The following DDR2 variants were observed in gnomAD, a reference collection of about 807,000 sequenced individuals.
DDR2 encodes the protein discoidin domain-containing receptor 2.
A neutral mutation model predicts 94.9 loss-of-function variants in DDR2; 27 were observed. The observed-to-expected ratio is 0.28, with a 90% confidence interval of 0.21 to 0.39. The LOEUF (loss-of-function observed/expected upper bound fraction) is 0.39, where lower values mean the gene tolerates loss of function less well. DDR2 is among the 10% of genes least tolerant of loss of function. The pLI, the probability that DDR2 is intolerant of heterozygous loss-of-function variation, is 1.00. For synonymous variants in DDR2, 382 were observed against 377.2 expected (o/e 1.01, Z -0.15); for missense variants, 783 against 1,076.0 (o/e 0.73, Z 3.81).
At chr1:162,705,459 C>T (rs1396260959) in intron 2 of DDR2, among the ~76,000 whole-genome samples, 1 of 152,126 alleles carries the variant, frequency 6.6e-6, no homozygotes, top group African/African-American at 2.4e-5. Context: ...TTAAAGCAGC[C>T]GAAGCTCTCA....
chr1:162,751,584 T>C (rs1663197355), intron 3 of DDR2, among the ~76,000 whole-genome samples: 2 of 152,322 alleles, frequency 1.3e-5, no homozygotes, highest in South Asian at 4.1e-4. Context: ...TGGAAGACAG[T>C]GTGGCGATTC....
chr1:162,702,833 C>T (rs1244057225), intron 2 of DDR2, among the ~76,000 whole-genome samples: 5 of 152,098 alleles, frequency 3.3e-5, no homozygotes, highest in African/African-American at 4.8e-5. Context: ...ATGCTGTTTC[C>T]GATAAGCCAC....
chr1:162,657,871 T>G (rs1658081375), intron 2 of DDR2, among the ~76,000 whole-genome samples: 1 of 151,878 alleles, frequency 6.6e-6, no homozygotes, highest in Admixed American at 6.6e-5. Flanking sequence ...CTCTTTTTGA[T>G]CCTTATTCTC....
intron 9 of DDR2, among the ~76,000 whole-genome samples, chr1:162,763,521 G>C (rs1286334414): frequency 6.6e-6 from 1 of 151,752 alleles, no homozygotes; most frequent in South Asian, 2.1e-4. Flanking sequence ...TTTTAAGGGG[G>C]CTCTTTGCTC....
intron 3 of DDR2, among the ~76,000 whole-genome samples, chr1:162,748,208 G>T (rs140508610): frequency 2.6e-5 from 4 of 152,242 alleles, no homozygotes; most frequent in Non-Finnish European, 1.5e-5. Context: ...AGACTGGCAA[G>T]TTGGATAAAG....
At chr1:162,765,053 A>G (rs1663926105) in intron 9 of DDR2, among the ~76,000 whole-genome samples, 1 of 152,174 alleles carries the variant, frequency 6.6e-6, no homozygotes, top group African/African-American at 2.4e-5. Flanking sequence ...CTGAGAGTAG[A>G]AATCAAGATG....
chr1:162,647,450 G>C (rs1657470704), intron 1 of DDR2, among the ~76,000 whole-genome samples: 2 of 152,202 alleles, frequency 1.3e-5, no homozygotes, highest in Non-Finnish European at 2.9e-5. Flanking sequence ...ACGTGAGAAA[G>C]AGTTCTGGGC....
At chr1:162,707,592 T>C (rs1178784575) in intron 2 of DDR2, among the ~76,000 whole-genome samples, 2 of 152,238 alleles carry the variant, frequency 1.3e-5, no homozygotes, top group East Asian at 1.9e-4. Flanking sequence ...CATTGTCTTG[T>C]TGGTTTTTCC....
At chr1:162,734,543 G>A (rs1662205499) in intron 3 of DDR2, among the ~76,000 whole-genome samples, 1 of 152,156 alleles carries the variant, frequency 6.6e-6, no homozygotes, top group Non-Finnish European at 1.5e-5. Context: ...TGTTATAAGA[G>A]CATATAATAG....
rs1161991928 is a variant in DDR2 at position 162,727,222 on chromosome 1, A to G, written c.82+8077A>G. Among the ~76,000 whole-genome samples, 7 of 143,230 alleles carry G rather than the reference A, an allele frequency of 4.9e-5. No individual in the cohort carries two copies. The East Asian group carries it at 5.9e-4, about 12-fold the overall frequency. 94.0% of individuals were successfully genotyped at this position (143,230 alleles called of 152,430 possible). A position where few individuals can be genotyped will look rare whatever the true frequency, so the allele number is the denominator to read the frequency against. On this transcript the variant is annotated intron_variant, in intron 3 of 17. Coordinates refer to ENST00000367921, the MANE Select transcript of DDR2 (RefSeq NM_006182.4). ...TTATATTTTGTAAATATAAACATAT[A>G]TTTATATTTTGTAAATATAAACATA...
chr1:162,669,145 T>C (rs1658716491), intron 2 of DDR2, among the ~76,000 whole-genome samples: 1 of 152,230 alleles, frequency 6.6e-6, no homozygotes. Context: ...ATGCAAACAA[T>C]AGTGACTGGA....
intron 2 of DDR2, among the ~76,000 whole-genome samples, chr1:162,707,412 T>C (rs1660711462): frequency 6.6e-6 from 1 of 152,222 alleles, no homozygotes; most frequent in Non-Finnish European, 1.5e-5. Context: ...TCCTGAGCCT[T>C]TGCCTCTTTC....
At chr1:162,633,550 T>C (rs980705131) in intron 1 of DDR2, among the ~76,000 whole-genome samples, 20 of 152,228 alleles carry the variant, frequency 1.3e-4, no homozygotes, top group African/African-American at 4.8e-4. Context: ...CCTGTTCAAG[T>C]CCCACAGCAC....
chr1:162,741,187 C>CAATACAAT (rs1662570822), intron 3 of DDR2, among the ~76,000 whole-genome samples: 1 of 104,488 alleles, frequency 9.6e-6, no homozygotes, highest in African/African-American at 3.8e-5. Flanking sequence ...TATAATATAA[C>CAATACAAT]ATAACATAAT....
intron 2 of DDR2, among the ~76,000 whole-genome samples, chr1:162,705,295 A>T (rs996461337): frequency 6.6e-6 from 1 of 151,956 alleles, no homozygotes; most frequent in Non-Finnish European, 1.5e-5. Context: ...GCCATTGGTG[A>T]TTTTCATTCC....
At chr1:162,658,289 G>T (rs754607522) in intron 2 of DDR2, among the ~76,000 whole-genome samples, 1 of 152,132 alleles carries the variant, frequency 6.6e-6, no homozygotes, top group African/African-American at 2.4e-5. Flanking sequence ...TGAGGATGGC[G>T]GTCTGGCTGT....
chr1:162,776,575 T>G (rs1373619271), intron 16 of DDR2, among the ~76,000 whole-genome samples: 1 of 152,220 alleles, frequency 6.6e-6, no homozygotes, highest in Admixed American at 6.5e-5. Flanking sequence ...ACATAAAAAT[T>G]TAGGGAGAGA....
chr1:162,672,271 A>C (rs190914434), intron 2 of DDR2, among the ~76,000 whole-genome samples: 15 of 152,326 alleles, frequency 9.8e-5, no homozygotes, highest in African/African-American at 3.6e-4. Flanking sequence ...ATGGGGATTA[A>C]ATGAGTCAAC....
chr1:162,636,399 T>G (rs533760627), intron 1 of DDR2, among the ~76,000 whole-genome samples: 2 of 152,306 alleles, frequency 1.3e-5, no homozygotes, highest in African/African-American at 4.8e-5. Flanking sequence ...GGATATTGTC[T>G]GTAATGGATC....
Sources: gnomAD v4.1 joint callset for allele counts (sites outside exome capture counted in the v4.1 genomes callset) on GRCh38, gnomAD v4.1.1 for gene constraint, MANE v1.5 for transcripts, NCBI Gene and HGNC (gene_info 2026-07-23, HGNC 2026-07-21) for gene names.